Variants in TAFA2 observed in about 807,000 individuals in gnomAD.
TAFA2 encodes the protein TAFA chemokine like family member 2.
Under a neutral mutation model 18.8 loss-of-function variants are expected in TAFA2, and 7 were observed. The ratio of observed to expected loss-of-function variants is 0.37; its 90% CI spans 0.21 to 0.70. The LOEUF is 0.70. Among genes scored for constraint, TAFA2 ranks in the 30% least tolerant of loss-of-function variants. The pLI is 0.53. For missense variants in TAFA2, 122 were observed against 158.1 expected (o/e 0.77, Z 1.23); for synonymous variants, 60 against 54.2 (o/e 1.11, Z -0.47).
intron 4 of TAFA2, among the ~76,000 whole-genome samples, chr12:61,731,627 T>C (rs1431869108): frequency 1.3e-5 from 2 of 152,130 alleles, no homozygotes; most frequent in Non-Finnish European, 2.9e-5. Context: ...TTAATAAACT[T>C]CCATGTTCTT....
intron 1 of TAFA2, among the ~76,000 whole-genome samples, chr12:61,992,700 A>C (rs1222070086): frequency 6.6e-6 from 1 of 151,450 alleles, no homozygotes; most frequent in African/African-American, 2.4e-5. Context: ...ACTACTCACC[A>C]CCTCCTCCAA....
chr12:62,043,418 A>T (rs1038807298), intron 1 of TAFA2, among the ~76,000 whole-genome samples: 2 of 151,562 alleles, frequency 1.3e-5, no homozygotes, highest in Admixed American at 6.6e-5. Context: ...AACAATGAGA[A>T]CACATGGACA....
At chr12:62,096,927 C>T (rs530607703) in intron 1 of TAFA2, among the ~76,000 whole-genome samples, 90 of 152,218 alleles carry the variant, frequency 5.9e-4, no homozygotes, top group African/African-American at 2.1e-3. Context: ...CAGCTCCACA[C>T]CCCAAGTTGC....
chr12:61,796,757 T>C lies in TAFA2; in HGVS notation c.107-41733A>G, dbSNP rs115372027. Among the ~76,000 whole-genome samples, 585 of 152,312 alleles carry C rather than the reference T, an allele frequency of 3.8e-3. 4 individuals carry two copies. Among genetic ancestry groups the C allele is most frequent in the African/African-American group, 0.013 (561 of 41,582 alleles). On this transcript the variant is annotated intron_variant, in intron 2 of 4. Coordinates refer to ENST00000416284, the MANE Select transcript of TAFA2 (RefSeq NM_178539.5). ...TCCAGCTATTTGTCTTTGTGCTTAA[T>C]AGATGAGAAAATAGTGCCTTCCTTC...
At position 61,815,925 on chromosome 12, in the gene TAFA2, A is replaced by C. The variant is rs1040730900; in HGVS notation, c.106+51395T>G. Among the ~76,000 whole-genome samples the C allele has an allele frequency of 1.3e-4, 20 of 151,330 alleles. 2 individuals carry two copies. The highest frequency in any genetic ancestry group is 4.9e-4 in the African/African-American group (20 of 40,624). ...CTTCTATTCTAGTGGAAGGAGATAG[A>C]TAATAAACCAAGGGGATAAATTATA... On this transcript the variant is annotated intron_variant, in intron 2 of 4. Transcript: ENST00000416284.
intron 1 of TAFA2, among the ~76,000 whole-genome samples, chr12:62,128,490 T>C (rs1870553441): frequency 1.3e-5 from 2 of 151,946 alleles, no homozygotes; most frequent in Non-Finnish European, 2.9e-5. Flanking sequence ...CAAATCCAGG[T>C]AAAGAACAAG....
chr12:61,767,034 G>A (rs1379142168), intron 2 of TAFA2, among the ~76,000 whole-genome samples: 7 of 152,046 alleles, frequency 4.6e-5, no homozygotes, highest in African/African-American at 1.7e-4. Context: ...TCATCTGTGG[G>A]ATAAAGTTGG....
chr12:62,103,617 T>G (rs891770190), intron 1 of TAFA2, among the ~76,000 whole-genome samples: 12 of 152,182 alleles, frequency 7.9e-5, no homozygotes, highest in Non-Finnish European at 1.8e-4. Context: ...GGCGTATGCC[T>G]GTAGTCCCAG....
At chr12:61,749,659 G>A (rs376843666) in intron 4 of TAFA2, among the ~76,000 whole-genome samples, 1 of 151,998 alleles carries the variant, frequency 6.6e-6, no homozygotes, top group Non-Finnish European at 1.5e-5. Context: ...ATCTGCTCAA[G>A]CCACTTTAAA....
chr12:62,249,529 T>C (rs945183475), intron 1 of TAFA2, among the ~76,000 whole-genome samples: 1 of 152,148 alleles, frequency 6.6e-6, no homozygotes, highest in African/African-American at 2.4e-5. Context: ...CCACTTTTCC[T>C]CTCTCACCAT....
intron 1 of TAFA2, among the ~76,000 whole-genome samples, chr12:62,250,400 G>A (rs914406968): frequency 6.6e-6 from 1 of 152,002 alleles, no homozygotes; most frequent in African/African-American, 2.4e-5. Flanking sequence ...ATGTTCATGA[G>A]AATGGGTCAA....
At chr12:61,847,642 T>C (rs1363925003) in intron 2 of TAFA2, among the ~76,000 whole-genome samples, 1 of 152,184 alleles carries the variant, frequency 6.6e-6, no homozygotes, top group African/African-American at 2.4e-5. Flanking sequence ...AAAGTTTGTC[T>C]AACAAAAATT....
At chr12:61,805,594 C>T (rs1871577692) in intron 2 of TAFA2, among the ~76,000 whole-genome samples, 2 of 152,046 alleles carry the variant, frequency 1.3e-5, no homozygotes, top group Non-Finnish European at 2.9e-5. Context: ...AACACCATGG[C>T]TGTGTTAAGT....
At chr12:61,875,925 G>A (rs748079231) in intron 1 of TAFA2, among the ~76,000 whole-genome samples, 4 of 152,068 alleles carry the variant, frequency 2.6e-5, no homozygotes, top group Non-Finnish European at 5.9e-5. Context: ...CTGCTAGGTG[G>A]AGGACCATTA....
At chr12:61,844,089 A>G (rs954563678) in intron 2 of TAFA2, among the ~76,000 whole-genome samples, 1 of 152,180 alleles carries the variant, frequency 6.6e-6, no homozygotes, top group Non-Finnish European at 1.5e-5. Context: ...AAAAGATGAC[A>G]GTTTTGTAAA....
rs138796644 is a variant in TAFA2 at position 62,098,491 on chromosome 12, A to G, written c.-2+92768T>C. Among the ~76,000 whole-genome samples the G allele has an allele frequency of 5.9e-4, 90 of 151,282 alleles. No individual in the cohort carries two copies. The East Asian group carries it at 0.012, about 20-fold the overall frequency. Reference sequence around the variant, plus strand: ...CAAAATAGGACAAAAGTATCAAAAAATAGACATTTAGGTTAAAAACAAACA... The same window carrying G: ...CAAAATAGGACAAAAGTATCAAAAAGTAGACATTTAGGTTAAAAACAAACA... On this transcript the variant is annotated intron_variant, in intron 1 of 4. Transcript: ENST00000416284.
At chr12:61,926,792 G>T (rs1441669996) in intron 1 of TAFA2, among the ~76,000 whole-genome samples, 1 of 151,920 alleles carries the variant, frequency 6.6e-6, no homozygotes, top group South Asian at 2.1e-4. Context: ...GGCACAAGAG[G>T]GCAGGTGCAG....
At position 61,766,174 on chromosome 12, in the gene TAFA2, A is replaced by G. The variant is rs117966687; in HGVS notation, c.107-11150T>C. On this transcript the variant is annotated intron_variant, in intron 2 of 4. Transcript: ENST00000416284. The stretch of plus-strand genomic sequence containing the variant: ...TCCCTATACACACATAAACACACAC[A>G]TACTACCATGGAAGATCCTTCTAAA... Among the ~76,000 whole-genome samples, 355 of 152,220 alleles carry G rather than the reference A, an allele frequency of 2.3e-3. 3 individuals carry two copies. Among genetic ancestry groups the G allele is most frequent in the Non-Finnish European group, 4.1e-3 (279 of 67,984 alleles).
rs943034635 is a variant in TAFA2, at chr12:61,845,364, G to T, written c.106+21956C>A. Among the ~76,000 whole-genome samples the T allele has an allele frequency of 3.9e-5, 6 of 152,072 alleles. No homozygotes were observed. In the South Asian group the frequency reaches 1.2e-3, roughly 32 times the overall value. ...AGACACAGTCTCTAAGAAAAAAAAA[G>T]GAAAAGTATACAGAGACTCTAAATA... On this transcript the variant is annotated intron_variant, in intron 2 of 4. Transcript: ENST00000416284.
Sources: allele counts gnomAD v4.1 joint callset (sites outside exome capture counted in the v4.1 genomes callset), GRCh38; gene constraint gnomAD v4.1.1; transcripts MANE v1.5; gene names NCBI Gene and HGNC (gene_info 2026-07-23, HGNC 2026-07-21).